The following KIRREL2 variants were observed in gnomAD, a reference collection of about 807,000 sequenced individuals.
KIRREL2 encodes the protein kirre like nephrin family adhesion molecule 2.
KIRREL2 carries 56 observed loss-of-function variants against 73.4 expected under a neutral mutation model. The observed-to-expected ratio is 0.76, with a 90% CI of 0.62 to 0.95. KIRREL2 has a LOEUF of 0.95. KIRREL2 is among the 40% of genes least tolerant of loss of function. KIRREL2 has a pLI of 0.00. For synonymous variants in KIRREL2, 407 were observed against 404.0 expected (o/e 1.01, Z -0.09); for missense variants, 896 against 935.0 (o/e 0.96, Z 0.54).
In KIRREL2 at chr19:35,861,015, G is replaced by A. The variant is rs1313275680; in HGVS notation, c.1035G>A (p.Trp345Ter). The A allele has an allele frequency of 1.9e-6, 3 of 1,611,288 alleles. No homozygotes were observed. Among genetic ancestry groups the A allele is most frequent in the Non-Finnish European group, 2.5e-6 (3 of 1,178,996 alleles). ...GGAACCCGCTTCCACGGGTAACCTGGACCCGCCGCGGTGGCGCGCAGGTAC... is the reference window on the plus strand; with the variant it reads ...GGAACCCGCTTCCACGGGTAACCTGAACCCGCCGCGGTGGCGCGCAGGTAC... ...WRGNPLPRVT[W>*]TRRGGAQVLG... is the part of the protein sequence containing the mutation. Residue 345 changes from tryptophan (W) to a stop codon, truncating the protein, a stop_gained, in exon 8 of 15, where the codon TGG becomes TGA. Transcript: ENST00000360202. LOFTEE classifies it high-confidence loss of function.
At chr19:35,857,305 A>C in intron 1 of KIRREL2, 40 bp from the exon 2 acceptor site, 1 of 1,611,364 alleles carries the variant, frequency 6.2e-7, no homozygotes, top group East Asian at 2.2e-5. Context: ...GAGGCCCCTG[A>C]AGGTGCTAAG....
chr19:35,861,826 T>C lies in KIRREL2; in HGVS notation c.1312T>C (p.Phe438Leu). 6.3e-7 allele frequency: 1 copy of C among 1,588,006 alleles called. No individual in the cohort carries two copies. The highest frequency in any genetic ancestry group is 1.1e-5 in the South Asian group (1 of 87,942). The change falls in exon 11 of 15, where the codon TTC becomes CTC. Residue 438 changes from phenylalanine (F) to leucine (L), a missense_variant. Phe to Leu is a conservative substitution (Grantham distance 22). Coordinates refer to ENST00000360202, the MANE Select transcript of KIRREL2 (RefSeq NM_199180.4). ...DAVVWSWDEG[F>L]LEAGSQGRFL... ...CCAGGTCTGGTCTTGGGATGAGGGC[T>C]TCCTGGAGGCGGGGTCGCAGGGCCG...
In KIRREL2 at chr19:35,859,556, G is replaced by T. The variant is rs369675867; in HGVS notation, c.598G>T (p.Ala200Ser). Residue 200 changes from alanine (A) to serine (S), a missense_variant, in exon 5 of 15, where the codon GCC (alanine) becomes TCC (serine). Physicochemically the swap from Ala to Ser is moderately conservative, Grantham distance 99 (BLOSUM62 1). Transcript: ENST00000360202. ...GACCCCTTTCAGCCATGATGATGGA[G>T]CCACCTTTGTCTGCCGGGCCCGGAG... ...TLTPFSHDDG[A>S]TFVCRARSQA... 16 of 1,614,198 alleles carry T rather than the reference G, an allele frequency of 9.9e-6. No homozygotes were observed. Among genetic ancestry groups the T allele is most frequent in the Admixed American group, 1.7e-5 (1 of 60,028 alleles).
In KIRREL2 at chr19:35,856,958, T is replaced by G. The variant is rs1973444953; in HGVS notation, c.-162T>G. 2.6e-6 allele frequency: 2 copies of G among 760,882 alleles called. No homozygotes were observed. Among genetic ancestry groups the G allele is most frequent in the Non-Finnish European group, 4.7e-6 (2 of 429,934 alleles). The allele number at this position is 760,882 out of a possible 1,614,324, so 47.1% of individuals were successfully genotyped here. A position where few individuals can be genotyped will look rare whatever the true frequency, so the allele number is the denominator to read the frequency against. On this transcript the variant is annotated 5_prime_UTR_variant, in exon 1 of 15. Transcript: ENST00000360202. The surrounding 1 kb of genome is among the most constrained non-coding windows in gnomAD (Gnocchi z 5.9). ...GCAGGCGTTTCAGAGCGTCAGAGGC[T>G]GCGGATGAGCAGACTTGGAGGACTC... is the stretch of plus-strand genomic sequence containing the variant.
upstream of KIRREL2, among the ~76,000 whole-genome samples, chr19:35,852,998 T>G (rs915410751): frequency 1.6e-4 from 24 of 152,266 alleles, no homozygotes; most frequent in African/African-American, 5.8e-4. Context: ...TTTCATCATG[T>G]TGGCCACGCT....
upstream of KIRREL2, among the ~76,000 whole-genome samples, chr19:35,853,850 T>C (rs1391006764): frequency 3.5e-5 from 5 of 144,876 alleles, no homozygotes; most frequent in East Asian, 1.0e-3. Flanking sequence ...TTTTTTTTTT[T>C]TTTTTTTTTT....
upstream of KIRREL2, among the ~76,000 whole-genome samples, chr19:35,852,177 C>G (rs1137844): frequency 0.26 from 38,798 of 150,262 alleles, 6,500 homozygotes; most frequent in East Asian, 0.64. Flanking sequence ...CATCCTCCCA[C>G]CTTGGCCTCC....
chr19:35,857,639 C>T, intron 2 of KIRREL2, 145 bp downstream of exon 2: 1 of 879,980 alleles, frequency 1.1e-6, no homozygotes, highest in Non-Finnish European at 1.7e-6. Context: ...GATTTTTGAG[C>T]TGCTTCTTTG....
At chr19:35,863,644 G>T (rs887412396) in intron 13 of KIRREL2, among the ~76,000 whole-genome samples, 3 of 151,780 alleles carry the variant, frequency 2.0e-5, no homozygotes, top group African/African-American at 7.3e-5. Flanking sequence ...TAGAGATTGG[G>T]TTTCACCATG....
chr19:35,864,548 T>A (rs947600597), intron 13 of KIRREL2, 100 bp from the exon 14 acceptor site: 1 of 917,804 alleles, frequency 1.1e-6, no homozygotes, highest in Non-Finnish European at 1.8e-6. Flanking sequence ...TCTTACTCCC[T>A]CCTGCCTGGC....
Position 35,860,667 on chromosome 19 carries a change from T to TTCAC in KIRREL2, c.928_928+1insTCAC (p.Gly311ThrfsTer69). ...CCGCAGTACTGCGCTGGATGTGCTG[T>TTCAC]GTGAGCTGGGGCCGGCCTGTGGGTG... On this transcript the variant is annotated frameshift_variant and splice_region_variant. Transcript: ENST00000360202. LOFTEE classifies it high-confidence loss of function. 1 of 1,602,376 alleles carries TTCAC rather than the reference T, an allele frequency of 6.2e-7. No individual in the cohort carries two copies. Among genetic ancestry groups the TTCAC allele is most frequent in the South Asian group, 1.1e-5 (1 of 90,998 alleles).
Position 35,859,644 on chromosome 19 carries a change from G to A in KIRREL2, c.673+13G>A, listed in dbSNP as rs1281036022. ...CTGAGCCTGCAGTGTGAGTGCAGCTGGCCCTGGGAAAGAGGGGTGTGGGGC... is the reference window on the plus strand; with the variant it reads ...CTGAGCCTGCAGTGTGAGTGCAGCTAGCCCTGGGAAAGAGGGGTGTGGGGC... On this transcript the variant is annotated intron_variant, in intron 5 of 14. Coordinates refer to ENST00000360202, the MANE Select transcript of KIRREL2 (RefSeq NM_199180.4). 1.2e-6 allele frequency: 2 copies of A among 1,612,502 alleles called. No homozygotes were observed. Among genetic ancestry groups the A allele is most frequent in the Admixed American group, 1.7e-5 (1 of 59,988 alleles).
At position 35,861,034 on chromosome 19, in the gene KIRREL2, C is replaced by T. The variant is rs1168118814; in HGVS notation, c.1054C>T (p.Gln352Ter). ...RVTWTRRGGAQVLGSGATLRL... is the reference protein window; with the variant it reads ...RVTWTRRGGA The stretch of plus-strand genomic sequence containing the variant: ...AACCTGGACCCGCCGCGGTGGCGCG[C>T]AGGTACAGCCCTAAATCTGAGGCGG... Residue 352 changes from glutamine (Q) to a stop codon, truncating the protein, a stop_gained and splice_region_variant, in exon 8 of 15, where the codon CAG becomes TAG. Coordinates refer to ENST00000360202, the MANE Select transcript of KIRREL2 (RefSeq NM_199180.4). LOFTEE classifies it high-confidence loss of function. 1 of 1,610,916 alleles carries T rather than the reference C, an allele frequency of 6.2e-7. No homozygotes were observed. Among genetic ancestry groups the T allele is most frequent in the African/African-American group, 1.3e-5 (1 of 74,770 alleles).
At position 35,861,459 on chromosome 19, in the gene KIRREL2, T is replaced by G. The variant is rs1599864319; in HGVS notation, c.1190-82T>G. 2.0e-6 allele frequency: 3 copies of G among 1,488,354 alleles called. No homozygotes were observed. In the South Asian group the frequency reaches 3.5e-5, roughly 18 times the overall value. The allele number at this position is 1,488,354 out of a possible 1,614,324, so 92.2% of individuals were successfully genotyped here. ...CTGATTGATTGAGGTTAGCGGAGAG[T>G]GCGCTGGACAGACCCGGCTTTGTTA... On this transcript the variant is annotated intron_variant, in intron 9 of 14. Coordinates refer to ENST00000360202, the MANE Select transcript of KIRREL2 (RefSeq NM_199180.4).
intron 9 of KIRREL2, 98 bp from the exon 10 acceptor site, chr19:35,861,443 T>A (rs1973679463): frequency 2.1e-6 from 3 of 1,463,256 alleles, no homozygotes; most frequent in Non-Finnish European, 2.8e-6. Flanking sequence ...CCTGATTGAT[T>A]GAGGTTAGCG....
upstream of KIRREL2, chr19:35,851,531 T>C (rs1265073873): frequency 1.2e-6 from 2 of 1,613,660 alleles, no homozygotes; most frequent in African/African-American, 1.3e-5. Context: ...GAGCAGCCCA[T>C]CTTTGGCCCA....
chr19:35,855,656 T>TACAC (rs57458964), upstream of KIRREL2, among the ~76,000 whole-genome samples: 2,264 of 84,896 alleles, frequency 0.027, 78 homozygotes, highest in South Asian at 0.035. Context: ...CACCTCCCCA[T>TACAC]ACACACACAC....
rs139947115 is a variant in KIRREL2 at position 35,862,581 on chromosome 19, C to A, written c.1599C>A (p.Cys533Ter). ...LMVITGVALC[C>*]WRHSKASASF... ...TCATCACTGGGGTGGCCCTCTGCTG[C>A]TGGCGCCACAGCAAGGGTTAGTGCC... The change falls in exon 12 of 15, where the codon TGC becomes TGA. Residue 533 changes from cysteine to a stop codon, truncating the protein, a stop_gained. Coordinates refer to ENST00000360202, the MANE Select transcript of KIRREL2 (RefSeq NM_199180.4). LOFTEE classifies it high-confidence loss of function. 1.9e-6 allele frequency: 3 copies of A among 1,607,314 alleles called. No homozygotes were observed. Among genetic ancestry groups the A allele is most frequent in the Non-Finnish European group, 2.5e-6 (3 of 1,179,200 alleles).
At chr19:35,861,730 A>G in intron 10 of KIRREL2, 75 bp from the exon 11 acceptor site, 1 of 1,585,794 alleles carries the variant, frequency 6.3e-7, no homozygotes, top group Non-Finnish European at 8.6e-7. Context: ...ACCATTTCTG[A>G]CTTCCCAGAC....
Sources: allele counts gnomAD v4.1 joint callset (sites outside exome capture counted in the v4.1 genomes callset), GRCh38; gene constraint gnomAD v4.1.1; non-coding constraint Gnocchi (gnomAD v3.1); transcripts MANE v1.5; gene names NCBI Gene and HGNC (gene_info 2026-07-23, HGNC 2026-07-21).